The following DLGAP1 variants were observed in gnomAD, a reference collection of about 807,000 sequenced individuals.
DLGAP1 encodes DLG associated protein 1, also known as disks large-associated protein 1.
A neutral mutation model predicts 90.8 loss-of-function variants in DLGAP1; 11 were observed. That is an observed-to-expected ratio of 0.12 (90% CI 0.08 to 0.20). The LOEUF is 0.20. Ranked by LOEUF, DLGAP1 falls within the 10% of genes least tolerant of loss-of-function variation. The pLI, the probability that DLGAP1 is intolerant of heterozygous loss-of-function variation, is 1.00. For missense variants in DLGAP1, 1,050 were observed against 1,333.8 expected (o/e 0.79, Z 3.31); for synonymous variants, 558 against 540.7 (o/e 1.03, Z -0.44).
intron 4 of DLGAP1, among the ~76,000 whole-genome samples, chr18:3,876,471 GAGTTT>G (rs1434511575): frequency 6.6e-6 from 1 of 152,178 alleles, no homozygotes; most frequent in Non-Finnish European, 1.5e-5. Flanking sequence ...GATTAACTTG[GAGTTT>G]AGTTTAAAAG....
chr18:3,935,998 A>C (rs761138932), intron 3 of DLGAP1, among the ~76,000 whole-genome samples: 3 of 152,184 alleles, frequency 2.0e-5, no homozygotes, highest in Non-Finnish European at 4.4e-5. Flanking sequence ...CACCAAGAAA[A>C]GACTTAACCA....
chr18:3,765,117 C>CTT (rs921982904), intron 5 of DLGAP1, among the ~76,000 whole-genome samples: 20 of 126,398 alleles, frequency 1.6e-4, no homozygotes, highest in South Asian at 2.8e-4. Context: ...CACTTGCAAA[C>CTT]TTTTTTTTTT....
At chr18:4,193,834 C>T (rs942937562) in intron 1 of DLGAP1, among the ~76,000 whole-genome samples, 6 of 152,024 alleles carry the variant, frequency 3.9e-5, no homozygotes, top group Non-Finnish European at 8.8e-5. Context: ...CCCCAGTGAA[C>T]TTGGTAACAC....
chr18:3,947,227 G>T (rs1013041251), intron 3 of DLGAP1, among the ~76,000 whole-genome samples: 2 of 152,134 alleles, frequency 1.3e-5, no homozygotes, highest in Non-Finnish European at 2.9e-5. Context: ...GAAACAGAAA[G>T]AACTCTCTTT....
chr18:3,749,603 TC>T (rs2063418698), intron 5 of DLGAP1, among the ~76,000 whole-genome samples: 1 of 152,168 alleles, frequency 6.6e-6, no homozygotes, highest in African/African-American at 2.4e-5. Flanking sequence ...GACAATCTCA[TC>T]TCCTCAATGG....
chr18:4,377,814 C>CA (rs1214000541), intron 1 of DLGAP1, among the ~76,000 whole-genome samples: 1 of 151,928 alleles, frequency 6.6e-6, no homozygotes, highest in African/African-American at 2.4e-5. Context: ...TTTCAGAAGA[C>CA]AACTTGGCTG....
In DLGAP1 at chr18:3,577,225, G is replaced by C. The variant is rs111782675; in HGVS notation, c.1965+4650C>G. ...CACCACTCTGAAGTCCCAGCACCAC[G>C]TGACCCTGCCACCTCACAGTCTGAG... is the stretch of plus-strand genomic sequence containing the variant. On this transcript the variant is annotated intron_variant, in intron 8 of 12. Coordinates refer to ENST00000315677, the MANE Select transcript of DLGAP1 (RefSeq NM_004746.4). Among the ~76,000 whole-genome samples, 1,318 of 152,264 alleles carry C rather than the reference G, an allele frequency of 8.7e-3. 21 individuals are homozygous for C. The highest frequency in any genetic ancestry group is 0.03 in the African/African-American group (1,234 of 41,544).
intron 2 of DLGAP1, among the ~76,000 whole-genome samples, chr18:4,116,220 G>A (rs1383997642): frequency 6.6e-6 from 1 of 152,018 alleles, no homozygotes; most frequent in Non-Finnish European, 1.5e-5. Context: ...TTTCTAATAA[G>A]AAGACAATTG....
intron 1 of DLGAP1, among the ~76,000 whole-genome samples, chr18:4,226,928 A>G (rs1392057950): frequency 6.6e-6 from 1 of 151,894 alleles, no homozygotes; most frequent in Non-Finnish European, 1.5e-5. Flanking sequence ...TGAATAGATA[A>G]AATTTTTTAA....
At position 4,210,829 on chromosome 18, in the gene DLGAP1, A is replaced by G. The variant is rs560570308; in HGVS notation, c.-266-59542T>C. On this transcript the variant is annotated intron_variant, in intron 1 of 12. Transcript: ENST00000315677. Reference sequence around the variant, plus strand: ...AACTCTTCAGACAATACTGATGTGTAAAGAGAACGTCTCATCTAGTTTAAC... The same window carrying G: ...AACTCTTCAGACAATACTGATGTGTGAAGAGAACGTCTCATCTAGTTTAAC... Among the ~76,000 whole-genome samples the G allele has an allele frequency of 1.7e-3, 263 of 152,298 alleles. 2 individuals are homozygous for G. The highest frequency in any genetic ancestry group is 6.2e-3 in the African/African-American group (257 of 41,574).
intron 2 of DLGAP1, among the ~76,000 whole-genome samples, chr18:4,112,240 CTGT>C (rs2075987350): frequency 6.6e-6 from 1 of 151,762 alleles, no homozygotes; most frequent in Non-Finnish European, 1.5e-5. Flanking sequence ...CCATTTTTTT[CTGT>C]TGTTGATTTC....
At chr18:4,003,447 T>TTG (rs1159052391) in intron 3 of DLGAP1, among the ~76,000 whole-genome samples, 1 of 151,556 alleles carries the variant, frequency 6.6e-6, no homozygotes, top group Non-Finnish European at 1.5e-5. Context: ...GTTTTTTTTT[T>TTG]TTTTTTTGGA....
intron 4 of DLGAP1, among the ~76,000 whole-genome samples, chr18:3,822,833 G>A (rs142631833): frequency 7.4e-4 from 112 of 152,238 alleles, no homozygotes; most frequent in African/African-American, 2.5e-3. Context: ...AGACACTCTC[G>A]TGATATCACA....
rs192922260 is a variant in DLGAP1 at position 3,943,251 on chromosome 18, G to A, written c.-73+61865C>T. On this transcript the variant is annotated intron_variant, in intron 3 of 12. Coordinates refer to ENST00000315677, the MANE Select transcript of DLGAP1 (RefSeq NM_004746.4). ...AAGGAGGTTAAATTGACAAATAACT[G>A]TTTTTGAAAGAAGAAAGGGAAAAAG... 2.6e-3 allele frequency among the ~76,000 whole-genome samples: 394 copies of A among 152,220 alleles called. 1 individual carries two copies. The highest frequency in any genetic ancestry group is 0.014 in the Middle Eastern group (4 of 294).
chr18:3,698,187 T>C (rs1357509488), intron 7 of DLGAP1, among the ~76,000 whole-genome samples: 1 of 152,210 alleles, frequency 6.6e-6, no homozygotes, highest in African/African-American at 2.4e-5. Flanking sequence ...CTGTTCAAAT[T>C]TAAGGTTAAT....
intron 1 of DLGAP1, among the ~76,000 whole-genome samples, chr18:4,421,734 A>T (rs1427501151): frequency 2.6e-5 from 4 of 152,038 alleles, no homozygotes; most frequent in African/African-American, 4.8e-5. Context: ...TGGGGGATGG[A>T]GTCTCACTCT....
chr18:3,502,910 A>T (rs1312127117), intron 11 of DLGAP1, among the ~76,000 whole-genome samples: 1 of 152,182 alleles, frequency 6.6e-6, no homozygotes, highest in Non-Finnish European at 1.5e-5. Context: ...AAGGGTCTAA[A>T]CATATGAAAA....
chr18:3,505,396 T>C lies in DLGAP1; in HGVS notation c.2572-2751A>G, dbSNP rs180977423. 3.3e-5 allele frequency among the ~76,000 whole-genome samples: 5 copies of C among 152,230 alleles called. No individual in the cohort carries two copies. The East Asian group carries it at 9.7e-4, about 29-fold the overall frequency. ...GCTCATGCCTATAATCCCAGCACTTTGGAAGGCCGAGGCGGGAGGATCACA... is the reference window on the plus strand; with the variant it reads ...GCTCATGCCTATAATCCCAGCACTTCGGAAGGCCGAGGCGGGAGGATCACA... On this transcript the variant is annotated intron_variant, in intron 11 of 12. Transcript: ENST00000315677.
intron 4 of DLGAP1, among the ~76,000 whole-genome samples, chr18:3,861,742 C>T (rs1053870323): frequency 6.6e-6 from 1 of 152,158 alleles, no homozygotes; most frequent in Non-Finnish European, 1.5e-5. Flanking sequence ...TCTGTGCTGC[C>T]CCAGCCTGAC....
Sources: gnomAD v4.1 joint callset for allele counts (sites outside exome capture counted in the v4.1 genomes callset) on GRCh38, gnomAD v4.1.1 for gene constraint, MANE v1.5 for transcripts, NCBI Gene and HGNC (gene_info 2026-07-23, HGNC 2026-07-21) for gene names.